PDE3A: variants seen among roughly 807,000 people sequenced by gnomAD.
PDE3A encodes cGMP-inhibited 3',5'-cyclic phosphodiesterase 3A.
Under a neutral mutation model 98.3 loss-of-function variants are expected in PDE3A, and 43 were observed. The ratio of observed to expected loss-of-function variants is 0.44; its 90% CI spans 0.34 to 0.56. The LOEUF (loss-of-function observed/expected upper bound fraction) is 0.56, where lower values mean the gene tolerates loss of function less well. Ranked by LOEUF, PDE3A falls within the 20% of genes least tolerant of loss-of-function variation. The pLI is 0.01. For synonymous variants in PDE3A, 663 were observed against 567.9 expected (o/e 1.17, Z -2.38); for missense variants, 1,427 against 1,440.7 (o/e 0.99, Z 0.15).
chr12:20,550,274 G>A (rs976934350), intron 1 of PDE3A, among the ~76,000 whole-genome samples: 2 of 152,088 alleles, frequency 1.3e-5, no homozygotes, highest in Non-Finnish European at 2.9e-5. Flanking sequence ...TTAATAGTCA[G>A]CATTTTGTAA....
chr12:20,598,605 A>G (rs569331534), intron 2 of PDE3A, among the ~76,000 whole-genome samples: 2 of 152,298 alleles, frequency 1.3e-5, no homozygotes, highest in East Asian at 3.9e-4. Flanking sequence ...AAAGGGGAAC[A>G]TTTTCTTAGT....
At chr12:20,660,047 G>A (rs546958156) in intron 15 of PDE3A, among the ~76,000 whole-genome samples, 65 of 152,212 alleles carry the variant, frequency 4.3e-4, no homozygotes, top group African/African-American at 9.4e-4. Context: ...CCCATGTGTC[G>A]TGGGAGGGAC....
intron 10 of PDE3A, among the ~76,000 whole-genome samples, chr12:20,646,137 C>A (rs1944770251): frequency 6.6e-6 from 1 of 152,146 alleles, no homozygotes; most frequent in Admixed American, 6.5e-5. Flanking sequence ...TATTCTCATT[C>A]TCTGCATAGT....
At position 20,651,766 on chromosome 12, in the gene PDE3A, G is replaced by T. The variant is rs796586582; in HGVS notation, c.2925+1166G>T. 1.3e-4 allele frequency among the ~76,000 whole-genome samples: 9 copies of T among 71,140 alleles called. No homozygotes were observed. In the East Asian group the frequency reaches 4.9e-3, roughly 38 times the overall value. 46.7% of individuals were successfully genotyped at this position (71,140 alleles called of 152,430 possible). A position where few individuals can be genotyped will look rare whatever the true frequency, so the allele number is the denominator to read the frequency against. On this transcript the variant is annotated intron_variant, in intron 14 of 15. Coordinates refer to ENST00000359062, the MANE Select transcript of PDE3A (RefSeq NM_000921.5). The stretch of plus-strand genomic sequence containing the variant: ...GGTAGGATTCATATATAGAATGAAA[G>T]ATTTTTTTTATTTTATTATACTTTA...
chr12:20,489,511 C>T (rs1468714445), intron 1 of PDE3A, among the ~76,000 whole-genome samples: 1 of 152,028 alleles, frequency 6.6e-6, no homozygotes, highest in Non-Finnish European at 1.5e-5. Context: ...TTTGGTTTGT[C>T]CTATGTATAT....
intron 1 of PDE3A, among the ~76,000 whole-genome samples, chr12:20,400,584 A>T (rs1236650785): frequency 6.6e-6 from 1 of 151,604 alleles, no homozygotes; most frequent in Non-Finnish European, 1.5e-5. Context: ...GCACCCGGCT[A>T]AGTTTTTGTA....
At chr12:20,418,891 T>C (rs2120744611) in intron 1 of PDE3A, among the ~76,000 whole-genome samples, 1 of 152,318 alleles carries the variant, frequency 6.6e-6, no homozygotes, top group East Asian at 1.9e-4. Context: ...AAATTACTTC[T>C]ATGCTTCTTA....
chr12:20,611,414 C>A (rs966511912), intron 2 of PDE3A, among the ~76,000 whole-genome samples: 1 of 149,030 alleles, frequency 6.7e-6, no homozygotes, highest in Non-Finnish European at 1.5e-5. Flanking sequence ...TTAAGATTTT[C>A]TGTTTTTGTT....
chr12:20,449,992 G>A, intron 1 of PDE3A: 1 of 705,390 alleles, frequency 1.4e-6, no homozygotes, highest in Non-Finnish European at 2.6e-6. Context: ...CCCTTGCCAA[G>A]TCAATAAATT....
rs183903284 is a variant in PDE3A at position 20,480,662 on chromosome 12, T to C, written c.961-75998T>C. ...AAAGAAGTTTCCCTCCTGTCTTTGCTTTGGATTATGTAACTTTGATTTTTC... is the reference window on the plus strand; with the variant it reads ...AAAGAAGTTTCCCTCCTGTCTTTGCCTTGGATTATGTAACTTTGATTTTTC... On this transcript the variant is annotated intron_variant, in intron 1 of 15. Coordinates refer to ENST00000359062, the MANE Select transcript of PDE3A (RefSeq NM_000921.5). Among the ~76,000 whole-genome samples, 391 of 152,354 alleles carry C rather than the reference T, an allele frequency of 2.6e-3. 4 individuals carry two copies. The highest frequency in any genetic ancestry group is 9.0e-3 in the African/African-American group (373 of 41,582).
intron 5 of PDE3A, among the ~76,000 whole-genome samples, chr12:20,625,740 GAC>G (rs1944246574): frequency 6.6e-6 from 1 of 152,062 alleles, no homozygotes; most frequent in Non-Finnish European, 1.5e-5. Flanking sequence ...CTTGTGTCTT[GAC>G]ACACATTTTC....
At chr12:20,677,158 A>G (rs544699362) in intron 15 of PDE3A, among the ~76,000 whole-genome samples, 3 of 152,132 alleles carry the variant, frequency 2.0e-5, no homozygotes, top group Non-Finnish European at 4.4e-5. Flanking sequence ...TATTTCTTTC[A>G]ATGAATTCTT....
intron 1 of PDE3A, among the ~76,000 whole-genome samples, chr12:20,509,369 T>TG (rs398116196): frequency 5.9e-5 from 9 of 151,866 alleles, no homozygotes; most frequent in Admixed American, 2.6e-4. Flanking sequence ...CACCCATTTT[T>TG]CCCCTTACAG....
chr12:20,447,856 GA>G (rs1192048647), intron 1 of PDE3A, among the ~76,000 whole-genome samples: 2 of 152,308 alleles, frequency 1.3e-5, no homozygotes, highest in East Asian at 3.9e-4. Flanking sequence ...GGCATCTGAA[GA>G]GGGGGGCAGT....
At chr12:20,606,633 C>T (rs187821507) in intron 2 of PDE3A, among the ~76,000 whole-genome samples, 12 of 151,434 alleles carry the variant, frequency 7.9e-5, no homozygotes, top group East Asian at 2.0e-4. Context: ...CTCAGGTGGG[C>T]GGGTCACCTG....
chr12:20,398,193 T>G (rs2120645817), intron 1 of PDE3A, among the ~76,000 whole-genome samples: 1 of 152,028 alleles, frequency 6.6e-6, no homozygotes, highest in South Asian at 2.1e-4. Context: ...CCTGATGGCT[T>G]ATTGGCGGGA....
intron 2 of PDE3A, among the ~76,000 whole-genome samples, chr12:20,593,483 T>C (rs1176245197): frequency 6.6e-6 from 1 of 151,782 alleles, no homozygotes; most frequent in Admixed American, 6.6e-5. Context: ...GAAAAAAATA[T>C]TGTAGCCATC....
chr12:20,614,995 TTTTTC>T (rs149623244), intron 3 of PDE3A, among the ~76,000 whole-genome samples: 99,390 of 129,806 alleles, frequency 0.77, 38,505 homozygotes, highest in South Asian at 0.9. Context: ...TTCTTTTCTT[TTTTTC>T]TTTCTTTCTC....
At chr12:20,599,872 C>T (rs544034767) in intron 2 of PDE3A, among the ~76,000 whole-genome samples, 3 of 147,662 alleles carry the variant, frequency 2.0e-5, no homozygotes, top group Non-Finnish European at 4.4e-5. Flanking sequence ...GGCTTGCTAC[C>T]TCAGTGTTTC....
Sources: gnomAD v4.1 joint callset for allele counts (sites outside exome capture counted in the v4.1 genomes callset) on GRCh38, gnomAD v4.1.1 for gene constraint, MANE v1.5 for transcripts, NCBI Gene and HGNC (gene_info 2026-07-23, HGNC 2026-07-21) for gene names.